Variants in C1GALT1 observed in about 807,000 individuals in gnomAD.
C1GALT1 encodes core 1 synthase, glycoprotein-N-acetylgalactosamine 3-beta-galactosyltransferase 1.
Under a neutral mutation model 31.0 loss-of-function variants are expected in C1GALT1, and 11 were observed. The ratio of observed to expected loss-of-function variants is 0.36; its 90% confidence interval spans 0.22 to 0.59. C1GALT1 has a LOEUF of 0.59. C1GALT1 is among the 20% of genes least tolerant of loss of function. C1GALT1 has a pLI of 0.79. For missense variants in C1GALT1, 424 were observed against 425.2 expected, an observed-to-expected ratio of 1.00 and a Z score of 0.03; for synonymous variants, 175 against 143.6, an observed-to-expected ratio of 1.22 and a Z score of -1.56.
intron 1 of C1GALT1, among the ~76,000 whole-genome samples, chr7:7,183,193 T>C (rs1488596051): frequency 1.3e-5 from 2 of 149,930 alleles, no homozygotes; most frequent in East Asian, 4.3e-4. Flanking sequence ...CACTTAGCGG[T>C]CCTGCCCCGC....
intron 2 of C1GALT1, among the ~76,000 whole-genome samples, chr7:7,177,195 T>C (rs139168874): frequency 1.2e-4 from 18 of 152,324 alleles, no homozygotes; most frequent in Non-Finnish European, 2.2e-4. Flanking sequence ...AATCAGGACT[T>C]GAGTCTCACA....
At chr7:7,166,502 A>G (rs1391761857) in intron 2 of C1GALT1, among the ~76,000 whole-genome samples, 2 of 152,122 alleles carry the variant, frequency 1.3e-5, no homozygotes, top group Non-Finnish European at 2.9e-5. Context: ...GAGATGGGGC[A>G]GGGTGGGAAG....
At chr7:7,216,465 A>G (rs1782244967) in intron 1 of C1GALT1, among the ~76,000 whole-genome samples, 1 of 152,056 alleles carries the variant, frequency 6.6e-6, no homozygotes, top group Non-Finnish European at 1.5e-5. Flanking sequence ...TTGACTTCCT[A>G]GAACCAGTGT....
chr7:7,217,126 C>T (rs984181927), intron 1 of C1GALT1, among the ~76,000 whole-genome samples: 3 of 152,128 alleles, frequency 2.0e-5, no homozygotes, highest in African/African-American at 4.8e-5. Flanking sequence ...CTTCCTTTAC[C>T]GGCCAATGCA....
In C1GALT1 at chr7:7,182,646, G is replaced by C. The variant is rs1780632677; in HGVS notation, c.-192G>C. The C allele has an allele frequency of 3.5e-6, 1 of 283,164 alleles. No individual in the cohort carries two copies. The highest frequency in any genetic ancestry group is 5.3e-6 in the Non-Finnish European group (1 of 188,062). 17.5% of individuals were successfully genotyped at this position (283,164 alleles called of 1,614,324 possible). ...CGGGAGCGCGCGCTGGGCCCGCCTT[G>C]GCCGCCGCCGCTGTGCTGCCGCTGC... is the stretch of plus-strand genomic sequence containing the variant. On this transcript the variant is annotated 5_prime_UTR_variant, in exon 1 of 4. Transcript: ENST00000436587.
At chr7:7,200,108 G>A (rs556345028) in intron 1 of C1GALT1, among the ~76,000 whole-genome samples, 6 of 152,248 alleles carry the variant, frequency 3.9e-5, no homozygotes, top group South Asian at 2.1e-4. Context: ...TATTTTGCTC[G>A]TTAGTTGATG....
At chr7:7,228,959 G>C (rs1782933324) in intron 1 of C1GALT1, among the ~76,000 whole-genome samples, 1 of 149,744 alleles carries the variant, frequency 6.7e-6, no homozygotes, top group South Asian at 2.1e-4. Context: ...TTGTTCTGAA[G>C]CTCAGCATGT....
intron 2 of C1GALT1, chr7:7,235,244 C>T (rs1783283156): frequency 6.6e-6 from 1 of 152,138 alleles, no homozygotes; most frequent in South Asian, 2.1e-4. Flanking sequence ...TACGGTTTGA[C>T]AGAAAATAAT....
intron 2 of C1GALT1, among the ~76,000 whole-genome samples, chr7:7,170,059 A>C (rs1780437390): frequency 6.6e-6 from 1 of 152,072 alleles, no homozygotes. Flanking sequence ...GAAATTTTCT[A>C]TTTCATCTTG....
chr7:7,230,509 T>A (rs1291220825), intron 1 of C1GALT1, among the ~76,000 whole-genome samples: 3 of 152,048 alleles, frequency 2.0e-5, no homozygotes, highest in Non-Finnish European at 4.4e-5. Context: ...CAATCTTTAT[T>A]TTTTAATTGT....
At position 7,230,532 on chromosome 7, in the gene C1GALT1, A is replaced by G. The variant is rs568466939; in HGVS notation, c.-17-3771A>G. On this transcript the variant is annotated intron_variant, in intron 1 of 3. Coordinates refer to ENST00000436587, the MANE Select transcript of C1GALT1 (RefSeq NM_020156.5). ...ATTTTTTAATTGTAGTTTTTAGTCT[A>G]TTTGCTTTTAATATAATCATTGATA... 2.7e-3 allele frequency among the ~76,000 whole-genome samples: 406 copies of G among 148,876 alleles called. 2 individuals are homozygous for G. Among genetic ancestry groups the G allele is most frequent in the Middle Eastern group, 0.014 (4 of 288 alleles).
At chr7:7,200,306 G>C (rs937411184) in intron 1 of C1GALT1, among the ~76,000 whole-genome samples, 6 of 152,152 alleles carry the variant, frequency 3.9e-5, no homozygotes, top group African/African-American at 1.4e-4. Context: ...ATGAAGCTTA[G>C]TTTGGCTGGA....
chr7:7,238,184 T>C lies in C1GALT1; in HGVS notation c.221-71T>C. ...ACTTTGAAATTAGGACAGTGCTTTCTTCAGTATAATTTATTAATATTTGGA... is the reference window on the plus strand; with the variant it reads ...ACTTTGAAATTAGGACAGTGCTTTCCTCAGTATAATTTATTAATATTTGGA... On this transcript the variant is annotated intron_variant, in intron 2 of 3. Coordinates refer to ENST00000436587, the MANE Select transcript of C1GALT1 (RefSeq NM_020156.5). The surrounding 1 kb of genome is among the most constrained non-coding windows in gnomAD (Gnocchi z 5.2). The C allele has an allele frequency of 2.2e-6, 3 of 1,363,120 alleles. No individual in the cohort carries two copies. The South Asian group carries it at 4.4e-5, about 20-fold the overall frequency. 84.4% of individuals were successfully genotyped at this position (1,363,120 alleles called of 1,614,324 possible).
chr7:7,213,870 G>A (rs376006957), intron 1 of C1GALT1, among the ~76,000 whole-genome samples: 4 of 152,244 alleles, frequency 2.6e-5, no homozygotes, highest in South Asian at 2.1e-4. Context: ...CTTAATTTAT[G>A]AAAAGAACAT....
intron 1 of C1GALT1, among the ~76,000 whole-genome samples, chr7:7,194,910 A>G (rs1781220311): frequency 6.6e-6 from 1 of 151,924 alleles, no homozygotes; most frequent in Non-Finnish European, 1.5e-5. Context: ...GGAGGGTTGT[A>G]TGTTTTCAGG....
intron 1 of C1GALT1, among the ~76,000 whole-genome samples, chr7:7,213,674 A>C (rs181838739): frequency 6.6e-6 from 1 of 152,130 alleles, no homozygotes; most frequent in Non-Finnish European, 1.5e-5. Context: ...TTTAAATCCA[A>C]ATTTTACCCT....
intron 2 of C1GALT1, among the ~76,000 whole-genome samples, chr7:7,175,912 A>G (rs1780501954): frequency 6.6e-6 from 1 of 152,056 alleles, no homozygotes; most frequent in Admixed American, 6.6e-5. Flanking sequence ...CTATTGGATA[A>G]AAGGCCCTAC....
At chr7:7,170,950 C>T (rs1329999309) in intron 2 of C1GALT1, among the ~76,000 whole-genome samples, 1 of 152,070 alleles carries the variant, frequency 6.6e-6, no homozygotes, top group Non-Finnish European at 1.5e-5. Flanking sequence ...TGATTTGTAG[C>T]TTCATTCTAC....
At chr7:7,184,333 A>G (rs563908896) in intron 1 of C1GALT1, among the ~76,000 whole-genome samples, 2 of 152,328 alleles carry the variant, frequency 1.3e-5, no homozygotes, top group South Asian at 4.1e-4. Context: ...TGCCTCTCAA[A>G]TTTGCCTGGA....
Sources: allele counts gnomAD v4.1 joint callset (sites outside exome capture counted in the v4.1 genomes callset), GRCh38; gene constraint gnomAD v4.1.1; non-coding constraint Gnocchi (gnomAD v3.1); transcripts MANE v1.5; gene names NCBI Gene and HGNC (gene_info 2026-07-23, HGNC 2026-07-21).